The following STARD7 variants were observed in gnomAD, a reference collection of about 807,000 sequenced individuals.
STARD7 encodes the protein stAR-related lipid transfer protein 7, mitochondrial.
In STARD7, 30 loss-of-function variants were observed where a neutral mutation model predicts 45.3. That is an observed-to-expected ratio of 0.66 (90% CI 0.50 to 0.90). The LOEUF (loss-of-function observed/expected upper bound fraction) is 0.90. STARD7 is among the 40% of genes least tolerant of loss of function. The pLI, the probability that STARD7 is intolerant of heterozygous loss-of-function variation, is 0.00. For synonymous variants in STARD7, 199 were observed against 183.0 expected, an observed-to-expected ratio of 1.09 and a Z score of -0.70; for missense variants, 495 against 491.3, an observed-to-expected ratio of 1.01 and a Z score of -0.07.
At chr2:96,192,311 TC>T (rs1272050330) in intron 6 of STARD7, 57 bp downstream of exon 6, 2 of 1,298,500 alleles carry the variant, frequency 1.5e-6, no homozygotes, top group African/African-American at 1.5e-5. Context: ...AGGTAAGACA[TC>T]CCTTGAGAAA....
chr2:96,208,109 C>G (rs781313580), intron 1 of STARD7, 36 bp downstream of exon 1: 9 of 1,500,476 alleles, frequency 6.0e-6, no homozygotes, highest in Non-Finnish European at 8.0e-6. Context: ...AGCCCCCCCA[C>G]CCCACGGCCC....
At chr2:96,196,627 G>C (rs539622263) in intron 1 of STARD7, among the ~76,000 whole-genome samples, 1 of 151,990 alleles carries the variant, frequency 6.6e-6, no homozygotes, top group Admixed American at 6.6e-5. Flanking sequence ...ATGCCCGGCT[G>C]ATTTTTTGTA....
intron 1 of STARD7, among the ~76,000 whole-genome samples, chr2:96,200,698 T>C (rs1056887603): frequency 1.2e-4 from 18 of 152,200 alleles, no homozygotes; most frequent in African/African-American, 3.9e-4. Context: ...CTCTTCTTTT[T>C]TGAGACAAAG....
At chr2:96,197,402 C>T (rs993443019) in intron 1 of STARD7, among the ~76,000 whole-genome samples, 1 of 152,088 alleles carries the variant, frequency 6.6e-6, no homozygotes, top group African/African-American at 2.4e-5. Context: ...GAGACTCCAT[C>T]TCTAAAATAA....
intron 1 of STARD7, 31 bp downstream of exon 1, chr2:96,208,114 C>G (rs750360432): frequency 2.7e-6 from 4 of 1,503,398 alleles, no homozygotes; most frequent in Non-Finnish European, 3.6e-6. Context: ...CCCCACCCCA[C>G]GGCCCAGAAA....
intron 1 of STARD7, among the ~76,000 whole-genome samples, chr2:96,197,070 A>AAACTAACCTAACCTAAACTAACC: frequency 1.0e-5 from 1 of 96,414 alleles, no homozygotes; most frequent in Admixed American, 9.6e-5. Flanking sequence ...CCGTCTCAAA[A>AAACTAACCTAACCTAAACTAACC]TAAAATAAAA....
chr2:96,188,055 T>A (rs1189524290), intron 6 of STARD7: 2 of 150,992 alleles, frequency 1.3e-5, no homozygotes, highest in Admixed American at 1.3e-4. Context: ...GCAGGCAGAT[T>A]ACTTGAGGAC....
At chr2:96,190,963 A>C (rs925769638) in intron 6 of STARD7, among the ~76,000 whole-genome samples, 11 of 152,282 alleles carry the variant, frequency 7.2e-5, no homozygotes, top group African/African-American at 2.6e-4. Context: ...CAGGAGTTTG[A>C]GACCAGCCTG....
chr2:96,199,314 G>A lies in STARD7; in HGVS notation c.291-3765C>T, dbSNP rs1382492437. ...GTGTTCTAATCTAATCCATGAACAC[G>A]GGATGTCTTTCACTTATGTCTTTTT... is the stretch of plus-strand genomic sequence containing the variant. On this transcript the variant is annotated intron_variant, in intron 1 of 7. Coordinates refer to ENST00000337288, the MANE Select transcript of STARD7 (RefSeq NM_020151.4). Among the ~76,000 whole-genome samples, 8 of 152,218 alleles carry A rather than the reference G, an allele frequency of 5.3e-5. No homozygotes were observed. In the East Asian group the frequency reaches 1.2e-3, roughly 22 times the overall value.
At chr2:96,196,124 A>C (rs1248457472) in intron 1 of STARD7, among the ~76,000 whole-genome samples, 2 of 150,110 alleles carry the variant, frequency 1.3e-5, no homozygotes, top group East Asian at 2.0e-4. Context: ...AAAAAAAAAA[A>C]AAAAACAAAA....
intron 6 of STARD7, among the ~76,000 whole-genome samples, chr2:96,191,900 C>T (rs1047251936): frequency 3.3e-5 from 5 of 152,098 alleles, no homozygotes; most frequent in Non-Finnish European, 7.3e-5. Flanking sequence ...ACACAAAACA[C>T]CTCATTAGGC....
At chr2:96,204,918 T>C (rs1400673756) in intron 1 of STARD7, among the ~76,000 whole-genome samples, 1 of 152,224 alleles carries the variant, frequency 6.6e-6, no homozygotes. Flanking sequence ...CTCAAATTTC[T>C]GGAGCAATGA....
chr2:96,197,488 T>C (rs898473096), intron 1 of STARD7, among the ~76,000 whole-genome samples: 2 of 152,268 alleles, frequency 1.3e-5, no homozygotes, highest in Admixed American at 6.5e-5. Flanking sequence ...TGAAGGTTTA[T>C]GGTTTTAAAA....
intron 1 of STARD7, among the ~76,000 whole-genome samples, chr2:96,205,398 A>G (rs1417732402): frequency 6.6e-6 from 1 of 152,276 alleles, no homozygotes; most frequent in African/African-American, 2.4e-5. Context: ...CACCCTGCAC[A>G]TTCCACCCGC....
rs1281865022 is a variant in STARD7, at chr2:96,192,454, G to A, written c.758C>T (p.Pro253Leu). Reference sequence around the variant, plus strand: ...GAATTCTGGAGACTCTGGCACACTCGGATGCTCCACAGCACTGGTAAGGAG... The same window carrying A: ...GAATTCTGGAGACTCTGGCACACTCAGATGCTCCACAGCACTGGTAAGGAG... ...MVLVSRAVEH[P>L]SVPESPEFVR... Residue 253 changes from proline to leucine, a missense_variant, in exon 6 of 8, where the codon CCG becomes CTG. Transcript: ENST00000337288. 2.5e-6 allele frequency: 4 copies of A among 1,613,448 alleles called. No individual in the cohort carries two copies. Among genetic ancestry groups the A allele is most frequent in the Non-Finnish European group, 2.5e-6 (3 of 1,179,464 alleles).
At chr2:96,202,839 C>T (rs1427202919) in intron 1 of STARD7, among the ~76,000 whole-genome samples, 1 of 152,174 alleles carries the variant, frequency 6.6e-6, no homozygotes, top group Non-Finnish European at 1.5e-5. Context: ...AAAATAATTA[C>T]ATAGTTAATA....
intron 6 of STARD7, among the ~76,000 whole-genome samples, chr2:96,189,561 T>C (rs1808802): frequency 0.56 from 85,752 of 151,792 alleles, 24,394 homozygotes; most frequent in East Asian, 0.79. Context: ...AAAAATTAGC[T>C]AGGCGTGGTG....
At chr2:96,193,409 A>G in intron 3 of STARD7, 57 bp from the exon 4 acceptor site, 2 of 1,137,182 alleles carry the variant, frequency 1.8e-6, no homozygotes, top group Non-Finnish European at 2.7e-6. Flanking sequence ...AAAATGCAGA[A>G]AGCTTTCCAG....
Position 96,208,502 on chromosome 2 carries a change from G to A in STARD7, c.-68C>T. 2 of 1,301,844 alleles carry A rather than the reference G, an allele frequency of 1.5e-6. No homozygotes were observed. The highest frequency in any genetic ancestry group is 2.0e-6 in the Non-Finnish European group (2 of 1,019,112). 80.6% of individuals were successfully genotyped at this position (1,301,844 alleles called of 1,614,324 possible). Reference sequence around the variant, plus strand: ...GAACCAGTCCGGAGGGGCGCAGGCGGTGGTCGCAGCGTCCCCCTAAATGGC... The same window carrying A: ...GAACCAGTCCGGAGGGGCGCAGGCGATGGTCGCAGCGTCCCCCTAAATGGC... On this transcript the variant is annotated 5_prime_UTR_variant, in exon 1 of 8. Transcript: ENST00000337288.
Sources: allele counts gnomAD v4.1 joint callset (sites outside exome capture counted in the v4.1 genomes callset), GRCh38; gene constraint gnomAD v4.1.1; transcripts MANE v1.5; gene names NCBI Gene and HGNC (gene_info 2026-07-23, HGNC 2026-07-21).